Variants in GTF2A1 observed in about 807,000 individuals in gnomAD.
GTF2A1 encodes transcription initiation factor IIA subunit 1.
A neutral mutation model predicts 54.1 loss-of-function variants in GTF2A1; 12 were observed. The ratio of observed to expected loss-of-function variants is 0.22; its 90% CI spans 0.14 to 0.36. GTF2A1 has a LOEUF of 0.36. Among genes scored for constraint, GTF2A1 ranks in the 10% least tolerant of loss-of-function variants. GTF2A1 has a pLI of 1.00. For synonymous variants in GTF2A1, 145 were observed against 152.0 expected, an observed-to-expected ratio of 0.95 and a Z score of 0.34; for missense variants, 335 against 442.2, an observed-to-expected ratio of 0.76 and a Z score of 2.17.
At chr14:81,207,327 G>A (rs1361693721) in intron 2 of GTF2A1, among the ~76,000 whole-genome samples, 1 of 152,066 alleles carries the variant, frequency 6.6e-6, no homozygotes, top group Non-Finnish European at 1.5e-5. Flanking sequence ...GAGATCTGAT[G>A]GGTTTATCAG....
chr14:81,182,817 T>C (rs1162104696), intron 8 of GTF2A1, among the ~76,000 whole-genome samples: 1 of 152,156 alleles, frequency 6.6e-6, no homozygotes, highest in African/African-American at 2.4e-5. Context: ...CTCTACCTAC[T>C]ACTGTACTCT....
chr14:81,203,718 C>T (rs1403949805), intron 3 of GTF2A1, among the ~76,000 whole-genome samples, 182 bp downstream of exon 3: 2 of 152,164 alleles, frequency 1.3e-5, no homozygotes, highest in Admixed American at 1.3e-4. Flanking sequence ...TTTACATACA[C>T]ATCCCTCAGC....
chr14:81,209,391 C>T (rs993215416), intron 2 of GTF2A1, among the ~76,000 whole-genome samples: 2 of 152,292 alleles, frequency 1.3e-5, no homozygotes, highest in South Asian at 4.1e-4. Context: ...AACTGTAAGT[C>T]CAATTAAACC....
Position 81,178,708 on chromosome 14 carries a change from T to G in GTF2A1, c.*1515A>C, listed in dbSNP as rs1219170483. On this transcript the variant is annotated 3_prime_UTR_variant, in exon 9 of 9. Coordinates refer to ENST00000553612, the MANE Select transcript of GTF2A1 (RefSeq NM_015859.4). ...ATGTACTTTAAAAAGTGTTCATGTG[T>G]TACTTCTGAAAACACAAAGGCAAAA... 2.6e-5 allele frequency: 4 copies of G among 152,178 alleles called. No individual in the cohort carries two copies. Among genetic ancestry groups the G allele is most frequent in the Non-Finnish European group, 5.9e-5 (4 of 68,024 alleles). 9.4% of individuals were successfully genotyped at this position (152,178 alleles called of 1,614,324 possible). A position where few individuals can be genotyped will look rare whatever the true frequency, so the allele number is the denominator to read the frequency against.
At chr14:81,205,692 A>G (rs922437539) in intron 2 of GTF2A1, among the ~76,000 whole-genome samples, 1 of 152,152 alleles carries the variant, frequency 6.6e-6, no homozygotes, top group Non-Finnish European at 1.5e-5. Context: ...TCTTCACCCA[A>G]AAGGGGAACC....
Position 81,201,670 on chromosome 14 carries a change from C to A in GTF2A1, c.338-12G>T, listed in dbSNP as rs763425316. ...TTGTGGTGCTGTGGCTACAAAAAAA[C>A]AAGCGAACATGCAAACAAGGAACCA... is the stretch of plus-strand genomic sequence containing the variant. On this transcript the variant is annotated splice_polypyrimidine_tract_variant and intron_variant, in intron 3 of 8. Transcript: ENST00000553612. 4 of 1,596,262 alleles carry A rather than the reference C, an allele frequency of 2.5e-6. No homozygotes were observed. The highest frequency in any genetic ancestry group is 3.4e-6 in the Non-Finnish European group (4 of 1,164,268).
At position 81,201,603 on chromosome 14, in the gene GTF2A1, T is replaced by C; in HGVS notation, c.393A>G (p.Ala131=). 6.3e-7 allele frequency: 1 copy of C among 1,590,774 alleles called. No homozygotes were observed. Among genetic ancestry groups the C allele is most frequent in the Non-Finnish European group, 8.6e-7 (1 of 1,158,738 alleles). ...ACATTCTGAGTCTTACCATGTTTGA[T>C]GCATTCATATGCTGTATCAACTTAG... ...PDSKLIQHMN[A]SNMSAAATAA... The change falls in exon 4 of 9, where the codon GCA becomes GCG. Residue 131 remains alanine, a synonymous_variant. Coordinates refer to ENST00000553612, the MANE Select transcript of GTF2A1 (RefSeq NM_015859.4).
intron 2 of GTF2A1, among the ~76,000 whole-genome samples, chr14:81,207,321 T>C (rs571830674): frequency 6.6e-6 from 1 of 152,160 alleles, no homozygotes; most frequent in African/African-American, 2.4e-5. Flanking sequence ...TCTCAGGAGA[T>C]CTGATGGGTT....
chr14:81,184,872 C>A (rs1595207516), intron 8 of GTF2A1, among the ~76,000 whole-genome samples: 1 of 152,152 alleles, frequency 6.6e-6, no homozygotes, highest in East Asian at 1.9e-4. Context: ...AATAAAAAAA[C>A]TGTATTACAA....
chr14:81,200,627 CA>C (rs199661503), intron 4 of GTF2A1, among the ~76,000 whole-genome samples: 163 of 83,698 alleles, frequency 1.9e-3, no homozygotes, highest in Admixed American at 1.9e-3. Context: ...ACTCCATCTT[CA>C]AAAAAAAAAA....
intron 1 of GTF2A1, among the ~76,000 whole-genome samples, chr14:81,218,241 A>C (rs1297408359): frequency 6.6e-6 from 1 of 152,194 alleles, no homozygotes; most frequent in African/African-American, 2.4e-5. Context: ...GTTACCTCTA[A>C]AAACCTTTTG....
chr14:81,202,900 C>A (rs1220009724), intron 3 of GTF2A1: 3 of 416,928 alleles, frequency 7.2e-6, no homozygotes, highest in East Asian at 6.7e-5. Context: ...TGAAAAGTAC[C>A]ACTAGATATC....
Position 81,197,443 on chromosome 14 carries a change from A to G in GTF2A1, c.444T>C (p.Gly148=). ...ATAATLALPA[G]VTPVQQILTN... ...TTAATATCTGCTGAACAGGAGTCACACCTGCAGGGAGTGCTAAGGTAGCAG... is the reference window on the plus strand; with the variant it reads ...TTAATATCTGCTGAACAGGAGTCACGCCTGCAGGGAGTGCTAAGGTAGCAG... Residue 148 remains glycine (G), a synonymous_variant, in exon 5 of 9, where the codon GGT becomes GGC. Coordinates refer to ENST00000553612, the MANE Select transcript of GTF2A1 (RefSeq NM_015859.4). 1 of 1,590,110 alleles carries G rather than the reference A, an allele frequency of 6.3e-7. No individual in the cohort carries two copies.
At chr14:81,197,521 C>G (rs901014739) in intron 4 of GTF2A1, 37 bp from the exon 5 acceptor site, 2 of 1,072,930 alleles carry the variant, frequency 1.9e-6, no homozygotes, top group African/African-American at 3.1e-5. Flanking sequence ...AAACCACATA[C>G]ATGTATAATA....
At position 81,220,628 on chromosome 14, in the gene GTF2A1, A is replaced by G. The variant is rs1223469046; in HGVS notation, c.-110T>C. On this transcript the variant is annotated 5_prime_UTR_variant, in exon 1 of 9. Coordinates refer to ENST00000553612, the MANE Select transcript of GTF2A1 (RefSeq NM_015859.4). ...GGAGGGTGACCCAAATCACCGCAAG[A>G]TTGGGGAAAAAATTTTAAACAAAAT... The G allele has an allele frequency of 6.4e-6, 5 of 784,874 alleles. No homozygotes were observed. In the Admixed American group the frequency reaches 9.1e-5, roughly 14 times the overall value. The allele number at this position is 784,874 out of a possible 1,614,324, so 48.6% of individuals were successfully genotyped here. A position where few individuals can be genotyped will look rare whatever the true frequency, so the allele number is the denominator to read the frequency against.
At position 81,176,181 on chromosome 14, in the gene GTF2A1, T is replaced by C. The variant is rs892002304; in HGVS notation, c.*4042A>G. ...ATCTTTAATTAAAGTTTTTGCAAAG[T>C]AGAATATTAAACTTAAAATAGGTCT... On this transcript the variant is annotated 3_prime_UTR_variant, in exon 9 of 9. Transcript: ENST00000553612. 2 of 152,170 alleles carry C rather than the reference T, an allele frequency of 1.3e-5. No individual in the cohort carries two copies. Among genetic ancestry groups the C allele is most frequent in the Admixed American group, 6.5e-5 (1 of 15,270 alleles). The allele number at this position is 152,170 out of a possible 1,614,324, so 9.4% of individuals were successfully genotyped here. A position where few individuals can be genotyped will look rare whatever the true frequency, so the allele number is the denominator to read the frequency against.
At chr14:81,189,674 AAAAAAATGGATCAAGCACAC>A (rs1892831842) in intron 7 of GTF2A1, among the ~76,000 whole-genome samples, 1 of 152,164 alleles carries the variant, frequency 6.6e-6, no homozygotes, top group Admixed American at 6.5e-5. Context: ...CCATCTCAAA[AAAAAAATGGATCAAGCACAC>A]AAAAAATATC....
intron 6 of GTF2A1, among the ~76,000 whole-genome samples, chr14:81,194,399 T>C (rs1481644595): frequency 6.6e-6 from 1 of 152,226 alleles, no homozygotes; most frequent in Non-Finnish European, 1.5e-5. Flanking sequence ...GGTTTTTCTA[T>C]TTGTTTGGGG....
At chr14:81,185,641 C>A (rs1412910124) in intron 7 of GTF2A1, 21 bp from the exon 8 acceptor site, 2 of 1,323,040 alleles carry the variant, frequency 1.5e-6, no homozygotes, top group African/African-American at 2.9e-5. Flanking sequence ...AAGGAGAGTT[C>A]TTATTACTAT....
Sources: allele counts gnomAD v4.1 joint callset (sites outside exome capture counted in the v4.1 genomes callset), GRCh38; gene constraint gnomAD v4.1.1; transcripts MANE v1.5; gene names NCBI Gene and HGNC (gene_info 2026-07-23, HGNC 2026-07-21).